Variants in THRB observed in about 807,000 individuals in gnomAD.
The protein encoded by THRB is thyroid hormone receptor beta.
THRB carries 12 observed loss-of-function variants against 47.8 expected under a neutral mutation model. The ratio of observed to expected loss-of-function variants is 0.25; its 90% confidence interval spans 0.16 to 0.41. The LOEUF (loss-of-function observed/expected upper bound fraction) is 0.41. Among genes scored for constraint, THRB ranks in the 10% least tolerant of loss-of-function variants. The pLI is 1.00. For synonymous variants in THRB, 218 were observed against 212.2 expected, an observed-to-expected ratio of 1.03 and a Z score of -0.24; for missense variants, 348 against 589.2, an observed-to-expected ratio of 0.59 and a Z score of 4.24.
chr3:24,267,261 G>C (rs775590672), intron 3 of THRB, among the ~76,000 whole-genome samples: 1 of 152,016 alleles, frequency 6.6e-6, no homozygotes, highest in Admixed American at 6.6e-5. Context: ...AGTTACATAA[G>C]TGGGTAGAGG....
At chr3:24,477,007 A>ATTTTTTTTTTTTTTTTTTTTTTTTTTTTT (rs558247174) in intron 1 of THRB, among the ~76,000 whole-genome samples, 7 of 126,488 alleles carry the variant, frequency 5.5e-5, no homozygotes, top group African/African-American at 2.2e-4. Flanking sequence ...GGTTTTCAAG[A>ATTTTTTTTTTTTTTTTTTTTTTTTTTTTT]TTTTTTTTTT....
At chr3:24,318,818 T>C (rs2058292659) in intron 2 of THRB, among the ~76,000 whole-genome samples, 1 of 152,212 alleles carries the variant, frequency 6.6e-6, no homozygotes. Flanking sequence ...ACTAGGGATG[T>C]GGGTGAGGAA....
intron 1 of THRB, among the ~76,000 whole-genome samples, chr3:24,476,585 C>T (rs965723591): frequency 6.6e-6 from 1 of 152,034 alleles, no homozygotes; most frequent in Non-Finnish European, 1.5e-5. Flanking sequence ...TTTACGGAAC[C>T]GCACTACCAA....
At chr3:24,136,426 C>T (rs1375759162) in intron 8 of THRB, among the ~76,000 whole-genome samples, 2 of 152,136 alleles carry the variant, frequency 1.3e-5, no homozygotes, top group Admixed American at 1.3e-4. Flanking sequence ...GAGTTATTAT[C>T]AGGTTAATCA....
intron 2 of THRB, among the ~76,000 whole-genome samples, chr3:24,330,461 A>G (rs1395621430): frequency 6.6e-6 from 1 of 152,238 alleles, no homozygotes; most frequent in African/African-American, 2.4e-5. Context: ...CCATGTACCC[A>G]CCATTCAGAT....
At chr3:24,380,392 C>T (rs1378790499) in intron 1 of THRB, among the ~76,000 whole-genome samples, 1 of 151,870 alleles carries the variant, frequency 6.6e-6, no homozygotes, top group African/African-American at 2.4e-5. Context: ...TTTTCCATGA[C>T]CCTGCCATTT....
chr3:24,473,870 T>G (rs1018065847), intron 1 of THRB, among the ~76,000 whole-genome samples: 23 of 152,136 alleles, frequency 1.5e-4, no homozygotes, highest in Admixed American at 6.5e-5. Context: ...TTCTCACTCA[T>G]AAGTTGGAGT....
chr3:24,375,881 A>C (rs2065252800), intron 1 of THRB, among the ~76,000 whole-genome samples: 1 of 152,106 alleles, frequency 6.6e-6, no homozygotes, highest in African/African-American at 2.4e-5. Context: ...TCAACAGATG[A>C]CCATATCCCA....
chr3:24,155,135 T>C (rs58719968), intron 5 of THRB, among the ~76,000 whole-genome samples: 2,121 of 152,314 alleles, frequency 0.014, 48 homozygotes, highest in African/African-American at 0.048. Context: ...CAACAATTTA[T>C]GTAGATGGTG....
rs1239350254 is a variant in THRB at position 24,118,562 on chromosome 3, C to T, written c.*4322G>A. The stretch of plus-strand genomic sequence containing the variant: ...TTTTCTACGAAGAAAGCATGGAGAA[C>T]TAATTTGGCTCTATGGTCAAATTAA... On this transcript the variant is annotated 3_prime_UTR_variant, in exon 11 of 11. Coordinates refer to ENST00000646209, the MANE Select transcript of THRB (RefSeq NM_001354712.2). The T allele has an allele frequency of 6.6e-6, 1 of 152,622 alleles. No individual in the cohort carries two copies. Among genetic ancestry groups the T allele is most frequent in the Non-Finnish European group, 1.5e-5 (1 of 68,040 alleles). The allele number at this position is 152,622 out of a possible 1,614,324, so 9.5% of individuals were successfully genotyped here. A position where few individuals can be genotyped will look rare whatever the true frequency, so the allele number is the denominator to read the frequency against.
At position 24,168,827 on chromosome 3, in the gene THRB, C is replaced by T. The variant is rs1232841910; in HGVS notation, c.284-16337G>A. Among the ~76,000 whole-genome samples, 4 of 151,590 alleles carry T rather than the reference C, an allele frequency of 2.6e-5. No homozygotes were observed. The East Asian group carries it at 5.9e-4, about 22-fold the overall frequency. ...AGGAGGCAGCACAAAAGGAGGCACG[C>T]TAGGAAAGAACGAAATACAAGGAGA... is the stretch of plus-strand genomic sequence containing the variant. On this transcript the variant is annotated intron_variant, in intron 5 of 10. Transcript: ENST00000646209.
chr3:24,234,589 A>T (rs560276708), intron 3 of THRB, among the ~76,000 whole-genome samples: 1 of 152,298 alleles, frequency 6.6e-6, no homozygotes, highest in Non-Finnish European at 1.5e-5. Context: ...GCTTTAGATC[A>T]TTCAAGATGA....
intron 9 of THRB, among the ~76,000 whole-genome samples, chr3:24,128,112 T>A (rs1195561092): frequency 1.3e-5 from 2 of 152,244 alleles, no homozygotes; most frequent in Non-Finnish European, 2.9e-5. Flanking sequence ...GCAGGGTTTA[T>A]GTTAAACTCT....
chr3:24,190,444 A>G, intron 4 of THRB, 110 bp from the exon 5 acceptor site: 1 of 1,340,872 alleles, frequency 7.5e-7, no homozygotes, highest in Non-Finnish European at 1.1e-6. Context: ...GGCTGACAGT[A>G]TTCACATGCC....
intron 5 of THRB, among the ~76,000 whole-genome samples, chr3:24,186,944 C>CAAAAAAAAAAA (rs71057655): frequency 6.4e-5 from 5 of 77,520 alleles, no homozygotes; most frequent in Non-Finnish European, 9.8e-5. Context: ...GACTCCATTT[C>CAAAAAAAAAAA]AAAAAAAAAA....
chr3:24,433,740 G>T (rs767241222), intron 1 of THRB, among the ~76,000 whole-genome samples: 1 of 151,996 alleles, frequency 6.6e-6, no homozygotes, highest in Non-Finnish European at 1.5e-5. Flanking sequence ...TATTATCATC[G>T]ACCTTATTTT....
chr3:24,179,815 C>A (rs770515659), intron 5 of THRB, among the ~76,000 whole-genome samples: 4 of 151,984 alleles, frequency 2.6e-5, no homozygotes, highest in Non-Finnish European at 4.4e-5. Flanking sequence ...GCTTATATTC[C>A]TGATATCAAA....
intron 1 of THRB, among the ~76,000 whole-genome samples, chr3:24,390,070 C>T (rs1183993884): frequency 6.6e-6 from 1 of 152,124 alleles, no homozygotes; most frequent in Non-Finnish European, 1.5e-5. Flanking sequence ...CTGCTTTAGA[C>T]CATGTGCTCT....
intron 1 of THRB, among the ~76,000 whole-genome samples, chr3:24,390,173 G>T (rs966454642): frequency 1.3e-5 from 2 of 152,088 alleles, no homozygotes. Context: ...ATGATTCATT[G>T]ATCAGCTACT....
Sources: gnomAD v4.1 joint callset for allele counts (sites outside exome capture counted in the v4.1 genomes callset) on GRCh38, gnomAD v4.1.1 for gene constraint, MANE v1.5 for transcripts, NCBI Gene and HGNC (gene_info 2026-07-23, HGNC 2026-07-21) for gene names.